CPAMD8: variants seen among roughly 807,000 people sequenced by gnomAD.
CPAMD8 encodes the protein C3 and PZP like alpha-2-macroglobulin domain containing 8, also known as C3 and PZP-like alpha-2-macroglobulin domain-containing protein 8.
In CPAMD8, 146 loss-of-function variants were observed where a neutral mutation model predicts 224.7. That is an observed-to-expected ratio of 0.65 (90% confidence interval 0.57 to 0.75). The LOEUF is 0.75. Among genes scored for constraint, CPAMD8 ranks in the 30% least tolerant of loss-of-function variants. The pLI is 0.00. For missense variants in CPAMD8, 2,301 were observed against 2,537.5 expected (o/e 0.91, Z 2.00); for synonymous variants, 966 against 1,044.6 (o/e 0.92, Z 1.45).
At chr19:16,914,308 T>A (rs983078017) in intron 29 of CPAMD8, 116 bp downstream of exon 29, 1 of 777,182 alleles carries the variant, frequency 1.3e-6, no homozygotes, top group East Asian at 2.6e-5. Flanking sequence ...AAAGCCTCGA[T>A]AATGAGCAGA....
intron 1 of CPAMD8, among the ~76,000 whole-genome samples, chr19:17,025,300 T>C (rs1379334459): frequency 6.6e-6 from 1 of 152,088 alleles, no homozygotes; most frequent in Non-Finnish European, 1.5e-5. Context: ...TAATCCCAGC[T>C]ACTCAGGAGG....
intron 25 of CPAMD8, among the ~76,000 whole-genome samples, chr19:16,927,254 C>T (rs373293899): frequency 7.2e-5 from 11 of 152,006 alleles, no homozygotes; most frequent in South Asian, 2.1e-4. Flanking sequence ...ATACTGTTCT[C>T]GCAGTAGTGA....
At chr19:16,975,508 A>G (rs1351644766) in intron 16 of CPAMD8, among the ~76,000 whole-genome samples, 3 of 151,964 alleles carry the variant, frequency 2.0e-5, no homozygotes, top group Non-Finnish European at 4.4e-5. Flanking sequence ...GGAGTTCGAG[A>G]CCAGCCTGGG....
intron 22 of CPAMD8, among the ~76,000 whole-genome samples, chr19:16,943,329 T>C (rs927811631): frequency 6.6e-6 from 1 of 152,208 alleles, no homozygotes; most frequent in African/African-American, 2.4e-5. Flanking sequence ...GTCTGTCTTC[T>C]TTCACTCGGT....
At chr19:16,906,040 G>A (rs1228739532) in intron 30 of CPAMD8, among the ~76,000 whole-genome samples, 2 of 152,172 alleles carry the variant, frequency 1.3e-5, no homozygotes, top group Non-Finnish European at 2.9e-5. Context: ...CCTGGCCGGA[G>A]GCGGGGGATG....
chr19:16,996,990 C>A, intron 11 of CPAMD8, 121 bp downstream of exon 11: 1 of 685,794 alleles, frequency 1.5e-6, no homozygotes, highest in Non-Finnish European at 2.7e-6. Context: ...TCTCCACTCT[C>A]CGCAAAGGTT....
At chr19:17,021,925 A>T in intron 2 of CPAMD8, 105 bp downstream of exon 2, 3 of 633,018 alleles carry the variant, frequency 4.7e-6, no homozygotes. Flanking sequence ...TTTAGGGCAG[A>T]AGGGAAGCAA....
chr19:16,925,615 G>A (rs1174232763), intron 25 of CPAMD8, among the ~76,000 whole-genome samples: 3 of 152,212 alleles, frequency 2.0e-5, no homozygotes, highest in Admixed American at 6.5e-5. Flanking sequence ...TTTTCATTCT[G>A]TTCAATGCTT....
chr19:16,994,776 T>A (rs1199689427), intron 11 of CPAMD8, among the ~76,000 whole-genome samples: 1 of 152,090 alleles, frequency 6.6e-6, no homozygotes, highest in Non-Finnish European at 1.5e-5. Context: ...CACCTTGGTC[T>A]CCCAAAGTGT....
Position 16,903,581 on chromosome 19 carries a change from C to T in CPAMD8, c.4450G>A (p.Asp1484Asn), listed in dbSNP as rs780496652. Residue 1484 changes from aspartate (D) to asparagine (N), a missense_variant, in exon 34 of 42, where the codon GAC (aspartate) becomes AAC (asparagine). Physicochemically the swap from Asp to Asn is conservative, Grantham distance 23. Coordinates refer to ENST00000443236, the MANE Select transcript of CPAMD8 (RefSeq NM_015692.5). ...PTGLFVSAKGDGCCLMQIDVT... is the reference protein window; with the variant it reads ...PTGLFVSAKGNGCCLMQIDVT... ...CTCACCTGCATCAGGCAGCAGCCGT[C>T]CCCCTTGGCACTCACAAACAGCCCC... The T allele has an allele frequency of 6.2e-7, 1 of 1,614,128 alleles. No individual in the cohort carries two copies. The highest frequency in any genetic ancestry group is 8.5e-7 in the Non-Finnish European group (1 of 1,180,012).
chr19:16,912,284 A>G (rs1420031955), intron 29 of CPAMD8, among the ~76,000 whole-genome samples: 2 of 152,242 alleles, frequency 1.3e-5, no homozygotes, highest in African/African-American at 4.8e-5. Context: ...CTAAGAGACC[A>G]GAACTCAGAA....
intron 2 of CPAMD8, 103 bp downstream of exon 2, chr19:17,021,927 G>T: frequency 1.2e-6 from 1 of 850,472 alleles, no homozygotes; most frequent in African/African-American, 1.8e-5. Flanking sequence ...TAGGGCAGAA[G>T]GGAAGCAAAG....
intron 13 of CPAMD8, among the ~76,000 whole-genome samples, chr19:16,981,091 G>T (rs1308710382): frequency 6.9e-6 from 1 of 144,440 alleles, no homozygotes; most frequent in Non-Finnish European, 1.5e-5. Context: ...TTGGGCTCAC[G>T]CCTGTAATCC....
At position 16,975,216 on chromosome 19, in the gene CPAMD8, C is replaced by T. The variant is rs1568549764; in HGVS notation, c.1951G>A (p.Gly651Ser). The T allele has an allele frequency of 6.2e-7, 1 of 1,609,874 alleles. No individual in the cohort carries two copies. Among genetic ancestry groups the T allele is most frequent in the South Asian group, 1.1e-5 (1 of 90,258 alleles). Residue 651 changes from glycine to serine, a missense_variant, in exon 17 of 42, where the codon GGC (glycine) becomes AGC (serine). By Grantham distance (56) the Gly-to-Ser change is moderately conservative (BLOSUM62 0). Transcript: ENST00000443236. ...LEDYDVSDSF[G>S]VSREDGPFWW... ...AAAGGACCATCCTCCCTGGACACGC[C>T]AAAGGAATCAGAAACATCATAATCT...
intron 39 of CPAMD8, 76 bp downstream of exon 39, chr19:16,897,615 C>T: frequency 1.2e-6 from 1 of 823,900 alleles, no homozygotes. Context: ...CCAGGGGAGC[C>T]CTCCCTGGCG....
In CPAMD8 at chr19:16,893,072, C is replaced by T. The variant is rs1411016708; in HGVS notation, c.*36G>A. 1.0e-6 allele frequency: 1 copy of T among 969,470 alleles called. No individual in the cohort carries two copies. Among genetic ancestry groups the T allele is most frequent in the East Asian group, 2.4e-5 (1 of 41,670 alleles). The allele number at this position is 969,470 out of a possible 1,614,324, so 60.1% of individuals were successfully genotyped here. On this transcript the variant is annotated 3_prime_UTR_variant, in exon 42 of 42. Transcript: ENST00000443236. ...TGTGGGTATGAATGGTCCCCAGGAC[C>T]AAACTGCGGTCCCACAACTGCATGT...
intron 14 of CPAMD8, among the ~76,000 whole-genome samples, chr19:16,978,091 G>A (rs2055347091): frequency 6.6e-6 from 1 of 152,308 alleles, no homozygotes; most frequent in Non-Finnish European, 1.5e-5. Context: ...GCAAGAGAAT[G>A]AGGGTAGAAA....
At position 17,022,250 on chromosome 19, in the gene CPAMD8, G is replaced by C. The variant is rs1245496837; in HGVS notation, c.93-69C>G. On this transcript the variant is annotated intron_variant, in intron 1 of 41. Transcript: ENST00000443236. ...CTGGTCTCGCTGCCACCACAGCTAG[G>C]TCAGGGCTCTCCTCGCAGCAGACTC... The C allele has an allele frequency of 9.1e-6, 14 of 1,539,058 alleles. No individual in the cohort carries two copies. In the East Asian group the frequency reaches 3.4e-4, roughly 37 times the overall value.
chr19:16,959,365 G>A (rs1187056678), intron 18 of CPAMD8, among the ~76,000 whole-genome samples: 1 of 149,438 alleles, frequency 6.7e-6, no homozygotes, highest in Non-Finnish European at 1.5e-5. Flanking sequence ...AGTAGAGATG[G>A]GGTTTTGTCA....
Sources: gnomAD v4.1 joint callset for allele counts (sites outside exome capture counted in the v4.1 genomes callset) on GRCh38, gnomAD v4.1.1 for gene constraint, MANE v1.5 for transcripts, NCBI Gene and HGNC (gene_info 2026-07-23, HGNC 2026-07-21) for gene names.